DNM2: variants seen among roughly 807,000 people sequenced by gnomAD.
DNM2 encodes the protein dynamin-2.
In DNM2, 15 loss-of-function variants were observed where a neutral mutation model predicts 99.0. The ratio of observed to expected loss-of-function variants is 0.15; its 90% CI spans 0.10 to 0.23. The LOEUF is 0.23. Among genes scored for constraint, DNM2 ranks in the 10% least tolerant of loss-of-function variants. The pLI is 1.00. For synonymous variants in DNM2, 525 were observed against 481.2 expected (o/e 1.09, Z -1.19); for missense variants, 742 against 1,189.4 (o/e 0.62, Z 5.53).
At chr19:10,785,102 G>A (rs1259690284) in intron 6 of DNM2, among the ~76,000 whole-genome samples, 1 of 151,242 alleles carries the variant, frequency 6.6e-6, no homozygotes, top group Non-Finnish European at 1.5e-5. Flanking sequence ...ACAGGCGTGA[G>A]CCACTGTACC....
At chr19:10,805,882 GT>G (rs2072318361) in intron 12 of DNM2, 33 bp from the exon 13 acceptor site, 1 of 1,613,946 alleles carries the variant, frequency 6.2e-7, no homozygotes, top group Non-Finnish European at 8.5e-7. Context: ...CCGGCATCTT[GT>G]CCACGTGAAC....
intron 2 of DNM2, among the ~76,000 whole-genome samples, chr19:10,762,330 G>A (rs1385831043): frequency 6.6e-6 from 1 of 152,112 alleles, no homozygotes; most frequent in Non-Finnish European, 1.5e-5. Flanking sequence ...GAGCCACTGG[G>A]CCCGGCCACA....
rs372849093 is a variant in DNM2, at chr19:10,830,331, A to T, written c.2496A>T (p.Pro832=). 2.5e-6 allele frequency: 4 copies of T among 1,613,060 alleles called. No individual in the cohort carries two copies. Among genetic ancestry groups the T allele is most frequent in the Non-Finnish European group, 3.4e-6 (4 of 1,179,796 alleles). Reference sequence around the variant, plus strand: ...TCTTCCCAGCCCCGCCTCAGATCCCATCTCGGCCAGTTCGGATCCCCCCAG... The same window carrying T: ...TCTTCCCAGCCCCGCCTCAGATCCCTTCTCGGCCAGTTCGGATCCCCCCAG... ...SDLFPAPPQI[P]SRPVRIPPGI... is the part of the protein sequence containing the mutation. The change falls in exon 20 of 21, where the codon CCA becomes CCT. Residue 832 remains proline, a synonymous_variant. Transcript: ENST00000389253. The surrounding 1 kb of genome is among the most constrained non-coding windows in gnomAD (Gnocchi z 4.8).
At chr19:10,731,562 C>G (rs2069319917) in intron 1 of DNM2, among the ~76,000 whole-genome samples, 2 of 152,106 alleles carry the variant, frequency 1.3e-5, no homozygotes, top group Admixed American at 1.3e-4. Flanking sequence ...CCATGTTGGC[C>G]AGGCTGGTCT....
intron 2 of DNM2, chr19:10,769,389 A>G (rs971670658): frequency 1.3e-5 from 2 of 152,532 alleles, no homozygotes; most frequent in Non-Finnish European, 2.9e-5. Context: ...AAGATGCCCC[A>G]CTCAGGGAAG....
intron 19 of DNM2, 123 bp downstream of exon 19, chr19:10,829,391 C>A: frequency 7.9e-7 from 1 of 1,269,846 alleles, no homozygotes; most frequent in Non-Finnish European, 1.1e-6. Context: ...CAGGGCTGGG[C>A]ACTGTGGGAG....
intron 12 of DNM2, among the ~76,000 whole-genome samples, chr19:10,803,457 C>T (rs985068787): frequency 1.3e-5 from 2 of 152,218 alleles, no homozygotes; most frequent in African/African-American, 4.8e-5. Flanking sequence ...CGGCCCTGTG[C>T]TCCCGGCCGC....
chr19:10,795,285 C>A lies in DNM2; in HGVS notation c.1129-87C>A. On this transcript the variant is annotated intron_variant, in intron 8 of 20. Transcript: ENST00000389253. This position sits in a 1 kb window ranked among gnomAD's most constrained non-coding sequence, Gnocchi z 4.2. ...ATTCTGCCTTGTGAATATAGCCACACGTGGGAGAGAACGTTCCCCAGATGC... is the reference window on the plus strand; with the variant it reads ...ATTCTGCCTTGTGAATATAGCCACAAGTGGGAGAGAACGTTCCCCAGATGC... 8.1e-7 allele frequency: 1 copy of A among 1,232,966 alleles called. No homozygotes were observed. Among genetic ancestry groups the A allele is most frequent in the Non-Finnish European group, 1.2e-6 (1 of 834,412 alleles). 76.4% of individuals were successfully genotyped at this position (1,232,966 alleles called of 1,614,324 possible). A position where few individuals can be genotyped will look rare whatever the true frequency, so the allele number is the denominator to read the frequency against.
At chr19:10,801,769 G>T (rs1187681144) in intron 11 of DNM2, among the ~76,000 whole-genome samples, 1 of 151,694 alleles carries the variant, frequency 6.6e-6, no homozygotes, top group Non-Finnish European at 1.5e-5. Context: ...GCTGGGCGTG[G>T]TGGCAGGCAC....
intron 1 of DNM2, among the ~76,000 whole-genome samples, chr19:10,742,771 A>G (rs976754624): frequency 2.0e-5 from 3 of 152,126 alleles, no homozygotes; most frequent in African/African-American, 7.2e-5. Context: ...CTGTGTGCCA[A>G]TAGACCGGAT....
chr19:10,801,431 G>A (rs2072138752), intron 11 of DNM2, among the ~76,000 whole-genome samples: 3 of 151,706 alleles, frequency 2.0e-5, no homozygotes, highest in Admixed American at 2.0e-4. Flanking sequence ...ACCAGTCTGG[G>A]CAACATAGTG....
At chr19:10,786,034 A>C (rs1183129919) in intron 6 of DNM2, among the ~76,000 whole-genome samples, 1 of 152,026 alleles carries the variant, frequency 6.6e-6, no homozygotes, top group Non-Finnish European at 1.5e-5. Context: ...TCTTGATCTT[A>C]AGTGATCCTT....
At chr19:10,787,312 A>G (rs2071594340) in intron 7 of DNM2, among the ~76,000 whole-genome samples, 1 of 151,928 alleles carries the variant, frequency 6.6e-6, no homozygotes, top group Admixed American at 6.6e-5. Flanking sequence ...CAAAAAAAAA[A>G]TACAAAAAAC....
Position 10,800,707 on chromosome 19 carries a change from C to T in DNM2, c.1423-1581C>T, listed in dbSNP as rs1213065802. Among the ~76,000 whole-genome samples the T allele has an allele frequency of 4.6e-5, 7 of 152,236 alleles. No individual in the cohort carries two copies. In the East Asian group the frequency reaches 1.2e-3, roughly 25 times the overall value. On this transcript the variant is annotated intron_variant, in intron 11 of 20. Coordinates refer to ENST00000389253, the MANE Select transcript of DNM2 (RefSeq NM_001005361.3). ...GGGAGTCCAGTGACGCGCATCCCAG[C>T]GCCTCCTCCCCAGCAGCCTGGCCTG...
intron 15 of DNM2, among the ~76,000 whole-genome samples, chr19:10,813,638 AC>A: frequency 6.6e-6 from 1 of 151,964 alleles, no homozygotes; most frequent in South Asian, 2.1e-4. Context: ...AGTTTGAGCA[AC>A]ATAGCATTAC....
chr19:10,790,789 C>T (rs749851884), intron 7 of DNM2, among the ~76,000 whole-genome samples: 10 of 152,176 alleles, frequency 6.6e-5, no homozygotes, highest in African/African-American at 1.9e-4. Context: ...GTTTTTTAAA[C>T]GGGGTCTCGC....
chr19:10,767,106 CA>C (rs2070823288), intron 2 of DNM2, among the ~76,000 whole-genome samples: 1 of 151,954 alleles, frequency 6.6e-6, no homozygotes, highest in Non-Finnish European at 1.5e-5. Context: ...CAGGCAGAGC[CA>C]GGGGTGGCTC....
At chr19:10,825,353 G>A (rs1264225071) in intron 18 of DNM2, 132 bp downstream of exon 18, 73 of 1,265,658 alleles carry the variant, frequency 5.8e-5, no homozygotes, top group South Asian at 1.2e-4. Context: ...TGGCCAAAAC[G>A]GTGAAACCCC....
chr19:10,779,359 G>A (rs567579401), intron 5 of DNM2, among the ~76,000 whole-genome samples: 4 of 151,850 alleles, frequency 2.6e-5, no homozygotes, highest in African/African-American at 4.8e-5. Flanking sequence ...CACTTTCAAC[G>A]TGCCCAGCAG....
Sources: allele counts gnomAD v4.1 joint callset (sites outside exome capture counted in the v4.1 genomes callset), GRCh38; gene constraint gnomAD v4.1.1; non-coding constraint Gnocchi (gnomAD v3.1); transcripts MANE v1.5; gene names NCBI Gene and HGNC (gene_info 2026-07-23, HGNC 2026-07-21).